STK32C: variants seen among roughly 807,000 people sequenced by gnomAD.
The protein encoded by STK32C is serine/threonine-protein kinase 32C.
A neutral mutation model predicts 56.5 loss-of-function variants in STK32C; 31 were observed. That is an observed-to-expected ratio of 0.55 (90% CI 0.41 to 0.74). The LOEUF (loss-of-function observed/expected upper bound fraction) is 0.74. Among genes scored for constraint, STK32C ranks in the 30% least tolerant of loss-of-function variants. The pLI is 0.00. For synonymous variants in STK32C, 309 were observed against 289.4 expected, an observed-to-expected ratio of 1.07 and a Z score of -0.69; for missense variants, 544 against 676.9, an observed-to-expected ratio of 0.80 and a Z score of 2.18.
chr10:132,243,247 G>A (rs1276993718), intron 2 of STK32C, among the ~76,000 whole-genome samples: 3 of 152,232 alleles, frequency 2.0e-5, no homozygotes, highest in African/African-American at 4.8e-5. Flanking sequence ...GCTGGAATGC[G>A]ATGTCCTGGA....
intron 1 of STK32C, 122 bp from the exon 2 acceptor site, chr10:132,246,077 T>C (rs2063677501): frequency 7.9e-6 from 8 of 1,010,606 alleles, no homozygotes; most frequent in Non-Finnish European, 1.2e-5. Flanking sequence ...TAGAAGAGGG[T>C]CGCCGTGGGG....
chr10:132,220,899 A>G (rs2062616370), intron 10 of STK32C, among the ~76,000 whole-genome samples: 1 of 152,234 alleles, frequency 6.6e-6, no homozygotes, highest in African/African-American at 2.4e-5. Flanking sequence ...AGATCATCAC[A>G]TAACTGCCCA....
chr10:132,248,124 A>G (rs535853316), intron 1 of STK32C, among the ~76,000 whole-genome samples: 71 of 152,342 alleles, frequency 4.7e-4, no homozygotes, highest in African/African-American at 1.6e-3. Flanking sequence ...CTCCAGCACC[A>G]GCAAAGCCAC....
At chr10:132,231,648 T>G (rs550289924) in intron 2 of STK32C, among the ~76,000 whole-genome samples, 1 of 152,280 alleles carries the variant, frequency 6.6e-6, no homozygotes, top group African/African-American at 2.4e-5. Flanking sequence ...TCTGAAGATG[T>G]AATTAAGTTG....
rs539166897 is a variant in STK32C at position 132,272,941 on chromosome 10, C to T, written c.263-26986G>A. Among the ~76,000 whole-genome samples, 12 of 152,308 alleles carry T rather than the reference C, an allele frequency of 7.9e-5. No individual in the cohort carries two copies. In the East Asian group the frequency reaches 1.7e-3, roughly 22 times the overall value. On this transcript the variant is annotated intron_variant, in intron 1 of 11. Transcript: ENST00000298630. Reference sequence around the variant, plus strand: ...GAAGCAGCCCAGTGAGCCCACCATGCGGCCTGTGCACCAACAGCTCCCTCT... The same window carrying T: ...GAAGCAGCCCAGTGAGCCCACCATGTGGCCTGTGCACCAACAGCTCCCTCT...
intron 2 of STK32C, among the ~76,000 whole-genome samples, chr10:132,233,385 A>T (rs545759219): frequency 6.6e-6 from 1 of 152,294 alleles, no homozygotes; most frequent in South Asian, 2.1e-4. Flanking sequence ...TGTGTCCCAT[A>T]GGCCACTTGT....
At position 132,313,390 on chromosome 10, in the gene STK32C, G is replaced by T. The variant is rs533089796; in HGVS notation, c.301+18046C>A. Among the ~76,000 whole-genome samples the T allele has an allele frequency of 3.3e-5, 5 of 152,328 alleles. No homozygotes were observed. The South Asian group carries it at 6.2e-4, about 19-fold the overall frequency. On this transcript the variant is annotated intron_variant, in intron 1 of 3. Coordinates refer to the STK32C transcript ENST00000368620. ...GGCTAAAAAGGACCCTTCCACACGG[G>T]CCACACGACAGACATTTGCCAAGCA...
chr10:132,269,024 C>T (rs1464320279), intron 1 of STK32C, among the ~76,000 whole-genome samples: 18 of 117,564 alleles, frequency 1.5e-4, no homozygotes, highest in South Asian at 5.7e-4. Context: ...CCTGTGTGCA[C>T]GCATGTCCCA....
At chr10:132,279,862 C>A (rs976232759) in intron 1 of STK32C, among the ~76,000 whole-genome samples, 19 of 150,044 alleles carry the variant, frequency 1.3e-4, no homozygotes, top group Admixed American at 2.7e-4. Context: ...TCATCACGCC[C>A]CTGCACTCTG....
intron 10 of STK32C, among the ~76,000 whole-genome samples, chr10:132,212,169 C>G (rs749749230): frequency 3.9e-5 from 6 of 152,294 alleles, no homozygotes; most frequent in Non-Finnish European, 8.8e-5. Context: ...AAGAACAAAA[C>G]TGGGGGATTC....
intron 1 of STK32C, among the ~76,000 whole-genome samples, chr10:132,290,823 G>A (rs2065541164): frequency 6.6e-6 from 1 of 152,084 alleles, no homozygotes; most frequent in South Asian, 2.1e-4. Flanking sequence ...GGGCTACCAT[G>A]CTCGAGGGCA....
intron 10 of STK32C, among the ~76,000 whole-genome samples, chr10:132,210,810 T>G (rs144953240): frequency 6.6e-6 from 1 of 152,216 alleles, no homozygotes; most frequent in African/African-American, 2.4e-5. Context: ...CCCGAGGCAG[T>G]GCCCTCCGTG....
rs72856763 is a variant in STK32C at position 132,266,366 on chromosome 10, G to A, written c.263-20411C>T. Among the ~76,000 whole-genome samples the A allele has an allele frequency of 7.6e-3, 1,159 of 152,280 alleles. 33 individuals are homozygous for A. The South Asian group carries it at 0.093, about 12-fold the overall frequency. On this transcript the variant is annotated intron_variant, in intron 1 of 11. Coordinates refer to ENST00000298630, the MANE Select transcript of STK32C (RefSeq NM_173575.4). ...GAGCCCAGAGAACTTTCCAGAAGGA[G>A]GACAACGTTCTCTGTCTCCATGGGG... is the stretch of plus-strand genomic sequence containing the variant.
chr10:132,221,756 AACCAAAG>A (rs2062670020), intron 10 of STK32C, among the ~76,000 whole-genome samples: 1 of 138,972 alleles, frequency 7.2e-6, no homozygotes, highest in Non-Finnish European at 1.5e-5. Flanking sequence ...CTGCACACAC[AACCAAAG>A]CCAGCACACC....
At chr10:132,267,982 CGTGT>C (rs59730124) in intron 1 of STK32C, among the ~76,000 whole-genome samples, 161 of 80,394 alleles carry the variant, frequency 2.0e-3, no homozygotes, top group African/African-American at 2.2e-3. Context: ...TGTCCCACAT[CGTGT>C]GTGTGTGTGT....
chr10:132,257,751 C>T (rs2138042547), intron 1 of STK32C, among the ~76,000 whole-genome samples: 1 of 151,932 alleles, frequency 6.6e-6, no homozygotes, highest in East Asian at 1.9e-4. Flanking sequence ...TCCACCAGGC[C>T]CCTCTGCAGA....
intron 1 of STK32C, among the ~76,000 whole-genome samples, chr10:132,270,232 A>C (rs1447133836): frequency 6.6e-6 from 1 of 152,238 alleles, no homozygotes; most frequent in Non-Finnish European, 1.5e-5. Flanking sequence ...CTTATGTGGC[A>C]AAAAGGATTT....
At chr10:132,266,130 G>A (rs745792460) in intron 1 of STK32C, among the ~76,000 whole-genome samples, 1 of 152,214 alleles carries the variant, frequency 6.6e-6, no homozygotes, top group Non-Finnish European at 1.5e-5. Context: ...CCATACGATG[G>A]AATACCACTA....
chr10:132,292,431 G>A (rs762292466), intron 1 of STK32C, among the ~76,000 whole-genome samples: 1 of 151,588 alleles, frequency 6.6e-6, no homozygotes, highest in Admixed American at 6.6e-5. Flanking sequence ...TCCACACTCA[G>A]TCTGACGGAT....
Sources: allele counts gnomAD v4.1 joint callset (sites outside exome capture counted in the v4.1 genomes callset), GRCh38; gene constraint gnomAD v4.1.1; transcripts MANE v1.5; gene names NCBI Gene and HGNC (gene_info 2026-07-23, HGNC 2026-07-21).